The following FOXK2 variants were observed in gnomAD, a reference collection of about 807,000 sequenced individuals.
FOXK2 encodes the protein forkhead box K2, also known as forkhead box protein K2.
A neutral mutation model predicts 53.3 loss-of-function variants in FOXK2; 24 were observed. The observed-to-expected ratio is 0.45, with a 90% CI of 0.33 to 0.63. The LOEUF is 0.63. Among genes scored for constraint, FOXK2 ranks in the 30% least tolerant of loss-of-function variants. The pLI is 0.03. For missense variants in FOXK2, 952 were observed against 910.5 expected (o/e 1.05, Z -0.59); for synonymous variants, 505 against 407.1 (o/e 1.24, Z -2.89).
At chr17:82,570,825 T>C (rs2044909538) in intron 3 of FOXK2, among the ~76,000 whole-genome samples, 2 of 152,204 alleles carry the variant, frequency 1.3e-5, no homozygotes, top group Non-Finnish European at 2.9e-5. Context: ...GGGTTTCAAG[T>C]TGTCACTATG....
chr17:82,566,800 A>G (rs1307021066), intron 2 of FOXK2, among the ~76,000 whole-genome samples: 2 of 152,124 alleles, frequency 1.3e-5, no homozygotes, highest in Non-Finnish European at 1.5e-5. Context: ...GTCAGGGGGA[A>G]CCCAGGTCCC....
At chr17:82,557,570 C>G (rs1056302930) in intron 1 of FOXK2, among the ~76,000 whole-genome samples, 2 of 152,200 alleles carry the variant, frequency 1.3e-5, no homozygotes, top group Admixed American at 1.3e-4. Context: ...TCTTGAACTC[C>G]TGACCTCTGG....
intron 3 of FOXK2, among the ~76,000 whole-genome samples, chr17:82,569,818 C>T (rs2044893442): frequency 6.6e-6 from 1 of 151,836 alleles, no homozygotes; most frequent in Admixed American, 6.6e-5. Context: ...TACGATCAAT[C>T]CTTGAATAGC....
chr17:82,546,457 T>C (rs763562341), intron 1 of FOXK2, among the ~76,000 whole-genome samples: 18 of 151,996 alleles, frequency 1.2e-4, no homozygotes, highest in Admixed American at 4.6e-4. Flanking sequence ...CATTAACAAA[T>C]GTTCACCTCT....
Position 82,585,923 on chromosome 17 carries a change from G to T in FOXK2, c.1299G>T (p.Gln433His). 6.2e-7 allele frequency: 1 copy of T among 1,611,508 alleles called. No homozygotes were observed. Among genetic ancestry groups the T allele is most frequent in the South Asian group, 1.1e-5 (1 of 91,068 alleles). Residue 433 changes from glutamine to histidine, a missense_variant, in exon 7 of 9, where the codon CAG (glutamine) becomes CAT (histidine). By Grantham distance (24) the Gln-to-His change is conservative. Around this residue, in one of 5 missense-constraint regions of FOXK2, gnomAD observed 551 missense variants for 385.1 expected, o/e 1.43. Transcript: ENST00000335255. ...QSAPGSPLSS[Q>H]PVLITVQRQL... The stretch of plus-strand genomic sequence containing the variant: ...CACCAGGGTCACCTCTGTCCAGTCA[G>T]CCAGTCTTAATCACCGTCCAGCGGC...
chr17:82,590,276 G>C lies in FOXK2; in HGVS notation c.1786+3004G>C, dbSNP rs1404015220. Among the ~76,000 whole-genome samples, 3 of 152,154 alleles carry C rather than the reference G, an allele frequency of 2.0e-5. No individual in the cohort carries two copies. The East Asian group carries it at 5.8e-4, about 29-fold the overall frequency. On this transcript the variant is annotated intron_variant, in intron 8 of 8. Transcript: ENST00000335255. The stretch of plus-strand genomic sequence containing the variant: ...TACAGCCTGGATGCTGAACACCTAG[G>C]ATGAGAACCACTGCACAGGTGCTCA...
At chr17:82,594,909 G>A (rs1353853081) in intron 8 of FOXK2, among the ~76,000 whole-genome samples, 7 of 152,202 alleles carry the variant, frequency 4.6e-5, no homozygotes, top group Non-Finnish European at 1.0e-4. Context: ...GGCTGTGGCG[G>A]CAGCACCTGT....
chr17:82,547,397 A>C lies in FOXK2; in HGVS notation c.420-15957A>C, dbSNP rs150485312. The stretch of plus-strand genomic sequence containing the variant: ...ATCACAAAAATCATAATGTTTTAAG[A>C]AAGTTTATGAATTTGTATTGGGCCA... On this transcript the variant is annotated intron_variant, in intron 1 of 8. Coordinates refer to ENST00000335255, the MANE Select transcript of FOXK2 (RefSeq NM_004514.4). Among the ~76,000 whole-genome samples the C allele has an allele frequency of 7.0e-4, 106 of 152,320 alleles. 1 individual carries two copies. The highest frequency in any genetic ancestry group is 2.4e-3 in the African/African-American group (101 of 41,566).
chr17:82,569,807 CTACGATCAATCCTTGAATAGCCACTG>C (rs1434034727), intron 3 of FOXK2, among the ~76,000 whole-genome samples: 1 of 151,848 alleles, frequency 6.6e-6, no homozygotes, highest in African/African-American at 2.4e-5. Flanking sequence ...CTGTGGTGAG[CTACGATCAATCCTTGAATAGCCACTG>C]TACTCTAGCC....
In FOXK2 at chr17:82,594,783, C is replaced by T. The variant is rs1006834284; in HGVS notation, c.1787-6520C>T. 3.9e-5 allele frequency among the ~76,000 whole-genome samples: 6 copies of T among 152,322 alleles called. No individual in the cohort carries two copies. The South Asian group carries it at 6.2e-4, about 16-fold the overall frequency. Reference sequence around the variant, plus strand: ...AGGAACAGCTGGGCGCCGTGGCTCACGCCTGCAATCCCAGCACTTTGGAAG... The same window carrying T: ...AGGAACAGCTGGGCGCCGTGGCTCATGCCTGCAATCCCAGCACTTTGGAAG... On this transcript the variant is annotated intron_variant, in intron 8 of 8. Coordinates refer to ENST00000335255, the MANE Select transcript of FOXK2 (RefSeq NM_004514.4).
chr17:82,573,218 C>T (rs1331866450), intron 4 of FOXK2, among the ~76,000 whole-genome samples: 1 of 151,858 alleles, frequency 6.6e-6, no homozygotes, highest in Non-Finnish European at 1.5e-5. Flanking sequence ...AGCCTACCAG[C>T]CACGTCTTCC....
chr17:82,551,161 C>CA (rs1567971104), intron 1 of FOXK2, among the ~76,000 whole-genome samples: 1 of 150,486 alleles, frequency 6.6e-6, no homozygotes, highest in South Asian at 2.1e-4. Flanking sequence ...ACTAAAAATC[C>CA]AAAAAATTAG....
intron 4 of FOXK2, among the ~76,000 whole-genome samples, chr17:82,580,976 G>A (rs559660083): frequency 6.6e-6 from 1 of 152,248 alleles, no homozygotes; most frequent in Admixed American, 6.5e-5. Flanking sequence ...GAGGCATTAG[G>A]ATGGCACTTG....
intron 8 of FOXK2, among the ~76,000 whole-genome samples, chr17:82,588,965 A>G (rs1181046644): frequency 1.3e-5 from 2 of 151,346 alleles, no homozygotes; most frequent in Non-Finnish European, 1.5e-5. Context: ...AGGCTGAGGC[A>G]GGAGAATCGC....
intron 4 of FOXK2, chr17:82,577,172 A>G (rs933151258): frequency 1.0e-6 from 1 of 955,416 alleles, no homozygotes; most frequent in Non-Finnish European, 1.6e-6. Context: ...CAAAAAAAGA[A>G]AAAGAAAAAA....
At chr17:82,536,770 C>T (rs914494970) in intron 1 of FOXK2, among the ~76,000 whole-genome samples, 9 of 152,210 alleles carry the variant, frequency 5.9e-5, no homozygotes, top group Non-Finnish European at 1.2e-4. Context: ...ACTGAGGCCT[C>T]TGAATGTCCT....
At chr17:82,533,946 C>G (rs1274720382) in intron 1 of FOXK2, among the ~76,000 whole-genome samples, 1 of 151,502 alleles carries the variant, frequency 6.6e-6, no homozygotes, top group African/African-American at 2.4e-5. Flanking sequence ...CTATAGGGAG[C>G]CGAGATCACA....
At chr17:82,523,011 T>C (rs2044380952) in intron 1 of FOXK2, among the ~76,000 whole-genome samples, 1 of 152,116 alleles carries the variant, frequency 6.6e-6, no homozygotes, top group African/African-American at 2.4e-5. Flanking sequence ...GCCAGGATGG[T>C]CTTGATCTCC....
In FOXK2 at chr17:82,587,271, T is replaced by G. The variant is rs2045194792; in HGVS notation, c.1785T>G (p.Asn595Lys). The change falls in exon 8 of 9, where the codon AAT becomes AAG. Residue 595 changes from asparagine (N) to lysine (K), a missense_variant and splice_region_variant. Physicochemically the swap from Asn to Lys is moderately conservative, Grantham distance 94 (BLOSUM62 0). This residue lies in a region of FOXK2 where 551 missense variants were observed against 385.1 expected (regional missense o/e 1.43). Transcript: ENST00000335255. Reference sequence around the variant, plus strand: ...CTGCGGTCCACGGCCAGGTGAACAATGGTAAGACATGCTGGTCGGTGGCTC... The same window carrying G: ...CTGCGGTCCACGGCCAGGTGAACAAGGGTAAGACATGCTGGTCGGTGGCTC... ...VPTAVHGQVN[N>K]AAASPLHMLA... is the part of the protein sequence containing the mutation. 1.9e-6 allele frequency: 3 copies of G among 1,611,786 alleles called. No individual in the cohort carries two copies. Among genetic ancestry groups the G allele is most frequent in the Non-Finnish European group, 2.5e-6 (3 of 1,179,046 alleles).
Sources: allele counts gnomAD v4.1 joint callset (sites outside exome capture counted in the v4.1 genomes callset), GRCh38; gene constraint gnomAD v4.1.1; regional missense constraint gnomAD v4.1.1; transcripts MANE v1.5; gene names NCBI Gene and HGNC (gene_info 2026-07-23, HGNC 2026-07-21).